Variants in ST7 observed in about 807,000 individuals in gnomAD.
ST7 encodes the protein suppression of tumorigenicity 7, also known as suppressor of tumorigenicity 7 protein.
A neutral mutation model predicts 78.7 loss-of-function variants in ST7; 28 were observed. That is an observed-to-expected ratio of 0.36 (90% CI 0.26 to 0.49). The LOEUF is 0.49. Among genes scored for constraint, ST7 ranks in the 20% least tolerant of loss-of-function variants. The pLI is 0.99. For synonymous variants in ST7, 247 were observed against 249.6 expected (o/e 0.99, Z 0.10); for missense variants, 418 against 696.0 (o/e 0.60, Z 4.49).
intron 10 of ST7, among the ~76,000 whole-genome samples, chr7:117,175,175 G>A (rs755420912): frequency 6.6e-6 from 1 of 152,116 alleles, no homozygotes; most frequent in Non-Finnish European, 1.5e-5. Flanking sequence ...GATGTAAGAT[G>A]TTCATTTAAT....
At chr7:117,151,902 T>A (rs1175146599) in intron 9 of ST7, among the ~76,000 whole-genome samples, 2 of 151,942 alleles carry the variant, frequency 1.3e-5, no homozygotes, top group African/African-American at 4.8e-5. Context: ...GGTGGATCAC[T>A]TGAGGTCAGG....
At chr7:117,059,540 G>T (rs1444486555) in intron 1 of ST7, among the ~76,000 whole-genome samples, 2 of 151,980 alleles carry the variant, frequency 1.3e-5, no homozygotes, top group Non-Finnish European at 2.9e-5. Context: ...CATATATATG[G>T]ATATATATGA....
Position 117,138,514 on chromosome 7 carries a change from A to G in ST7, c.945A>G (p.Ala315=), listed in dbSNP as rs1389447591. ...CARRLGRTRE[A]VKMMRDLMKE... is the part of the protein sequence containing the mutation. Reference sequence around the variant, plus strand: ...GAAGACTCGGGAGGACCAGGGAAGCAGTGAAAATGATGAGAGATGTGAGTT... The same window carrying G: ...GAAGACTCGGGAGGACCAGGGAAGCGGTGAAAATGATGAGAGATGTGAGTT... The change falls in exon 9 of 16, where the codon GCA becomes GCG. Residue 315 remains alanine, a synonymous_variant. Coordinates refer to ENST00000323984, the MANE Select transcript of ST7 (RefSeq NM_001369598.1). 3.7e-6 allele frequency: 6 copies of G among 1,605,060 alleles called. No homozygotes were observed. The highest frequency in any genetic ancestry group is 5.1e-6 in the Non-Finnish European group (6 of 1,175,066).
intron 10 of ST7, among the ~76,000 whole-genome samples, chr7:117,174,475 AG>A (rs1158665863): frequency 2.0e-5 from 3 of 152,188 alleles, no homozygotes; most frequent in African/African-American, 7.2e-5. Flanking sequence ...ATCAAAGTAA[AG>A]CCATGTAGAT....
At chr7:117,030,136 T>A (rs1199892754) in intron 1 of ST7, among the ~76,000 whole-genome samples, 1 of 152,188 alleles carries the variant, frequency 6.6e-6, no homozygotes, top group African/African-American at 2.4e-5. Flanking sequence ...CAATATTAAG[T>A]TTTGCAATTC....
At chr7:117,059,699 G>A (rs1798249168) in intron 1 of ST7, among the ~76,000 whole-genome samples, 2 of 151,440 alleles carry the variant, frequency 1.3e-5, no homozygotes, top group Non-Finnish European at 2.9e-5. Flanking sequence ...GGCCAGGCAC[G>A]GTGGCTTTTG....
chr7:117,147,320 G>A (rs532995399), intron 9 of ST7, among the ~76,000 whole-genome samples: 7 of 152,246 alleles, frequency 4.6e-5, no homozygotes, highest in African/African-American at 1.7e-4. Context: ...ACATTCATTA[G>A]GCTGTGGGAT....
intron 1 of ST7, among the ~76,000 whole-genome samples, chr7:116,971,192 G>A (rs1297619110): frequency 1.3e-5 from 2 of 152,124 alleles, no homozygotes; most frequent in African/African-American, 4.8e-5. Context: ...ACCCAAAGAA[G>A]CAAAGTTTAA....
chr7:117,129,961 C>T, intron 4 of ST7, 114 bp downstream of exon 4: 1 of 699,570 alleles, frequency 1.4e-6, no homozygotes, highest in Non-Finnish European at 2.4e-6. Flanking sequence ...TGTAGTGCGT[C>T]CATTTTTTAA....
chr7:117,096,577 A>G (rs1034510652), intron 1 of ST7, among the ~76,000 whole-genome samples: 1 of 152,234 alleles, frequency 6.6e-6, no homozygotes, highest in African/African-American at 2.4e-5. Context: ...GCTTGGGGGC[A>G]GGTTGACTGG....
intron 10 of ST7, among the ~76,000 whole-genome samples, chr7:117,175,167 T>G (rs751768920): frequency 6.6e-6 from 1 of 152,232 alleles, no homozygotes; most frequent in African/African-American, 2.4e-5. Flanking sequence ...GGGGATTTGA[T>G]GTAAGATGTT....
intron 1 of ST7, among the ~76,000 whole-genome samples, chr7:117,051,282 T>C (rs986404844): frequency 1.3e-5 from 2 of 152,202 alleles, no homozygotes; most frequent in African/African-American, 4.8e-5. Flanking sequence ...CCTAATAGGG[T>C]GCAGAGATCT....
At chr7:117,193,915 A>G (rs1324090769) in intron 12 of ST7, among the ~76,000 whole-genome samples, 2 of 152,232 alleles carry the variant, frequency 1.3e-5, no homozygotes, top group African/African-American at 4.8e-5. Flanking sequence ...AAAGATAGAT[A>G]GGTAGTATTT....
chr7:117,132,423 C>T (rs1307614302), intron 6 of ST7, among the ~76,000 whole-genome samples: 3 of 151,688 alleles, frequency 2.0e-5, no homozygotes, highest in African/African-American at 7.3e-5. Context: ...GAAATGCTGT[C>T]TTGAGTGTTG....
At chr7:117,077,029 G>A (rs1478959057) in intron 1 of ST7, among the ~76,000 whole-genome samples, 2 of 152,186 alleles carry the variant, frequency 1.3e-5, no homozygotes, top group Non-Finnish European at 2.9e-5. Context: ...GGAAAGGGGA[G>A]CTGAAAAGGG....
chr7:116,956,526 TTCC>T lies in ST7; in HGVS notation c.151+2841_151+2843del. ...GAGTTGCAGATGGCGCAGGCCTCCC[TTCC>T]TCCTCAAGGAAGCCAAAGACACCAT... On this transcript the variant is annotated intron_variant, in intron 1 of 15. Transcript: ENST00000323984. 3 of 471,198 alleles carry T rather than the reference TTCC, an allele frequency of 6.4e-6. 1 individual carries two copies. The highest frequency in any genetic ancestry group is 3.1e-5 in the South Asian group (2 of 64,572). The allele number at this position is 471,198 out of a possible 1,614,324, so 29.2% of individuals were successfully genotyped here.
intron 1 of ST7, among the ~76,000 whole-genome samples, chr7:116,997,865 T>C (rs1163115817): frequency 6.6e-6 from 1 of 152,266 alleles, no homozygotes; most frequent in Non-Finnish European, 1.5e-5. Flanking sequence ...TTGGTGTATC[T>C]ACAATCCCTT....
intron 15 of ST7, among the ~76,000 whole-genome samples, chr7:117,227,329 C>T (rs1793512534): frequency 6.6e-6 from 1 of 152,210 alleles, no homozygotes; most frequent in Non-Finnish European, 1.5e-5. Flanking sequence ...ACAACTTCAA[C>T]AGTTCTAAAT....
chr7:117,171,201 C>G (rs1018030620), intron 10 of ST7, among the ~76,000 whole-genome samples: 2 of 152,160 alleles, frequency 1.3e-5, no homozygotes, highest in African/African-American at 4.8e-5. Flanking sequence ...TCCTTCCCTC[C>G]GTACAGGCTC....
Sources: gnomAD v4.1 joint callset for allele counts (sites outside exome capture counted in the v4.1 genomes callset) on GRCh38, gnomAD v4.1.1 for gene constraint, MANE v1.5 for transcripts, NCBI Gene and HGNC (gene_info 2026-07-23, HGNC 2026-07-21) for gene names.